Variants in PHLPP1 observed in about 807,000 individuals in gnomAD.
PHLPP1 encodes PH domain leucine-rich repeat-containing protein phosphatase 1.
Under a neutral mutation model 117.2 loss-of-function variants are expected in PHLPP1, and 42 were observed. The observed-to-expected ratio is 0.36, with a 90% CI of 0.28 to 0.46. The LOEUF is 0.46. PHLPP1 is among the 20% of genes least tolerant of loss of function. The pLI is 1.00. For synonymous variants in PHLPP1, 1,042 were observed against 970.7 expected (o/e 1.07, Z -1.37); for missense variants, 2,084 against 2,241.9 (o/e 0.93, Z 1.42).
chr18:62,827,314 A>G (rs1914637078), intron 1 of PHLPP1, among the ~76,000 whole-genome samples: 1 of 152,184 alleles, frequency 6.6e-6, no homozygotes, highest in African/African-American at 2.4e-5. Flanking sequence ...GTTACAACTG[A>G]CCCAGCTTTA....
chr18:62,971,533 C>T (rs970807843), intron 14 of PHLPP1, among the ~76,000 whole-genome samples: 1 of 152,092 alleles, frequency 6.6e-6, no homozygotes, highest in Non-Finnish European at 1.5e-5. Context: ...TGACTGTGGA[C>T]TCTGGCCACC....
intron 1 of PHLPP1, among the ~76,000 whole-genome samples, chr18:62,807,222 T>G (rs564199953): frequency 1.4e-4 from 22 of 152,278 alleles, no homozygotes; most frequent in African/African-American, 5.1e-4. Context: ...ACATAGTTAT[T>G]GAGAGAGTGA....
At chr18:62,943,365 A>G (rs79610461) in intron 11 of PHLPP1, among the ~76,000 whole-genome samples, 2 of 152,138 alleles carry the variant, frequency 1.3e-5, no homozygotes, top group African/African-American at 4.8e-5. Flanking sequence ...GAATTAAAGA[A>G]CGGGACCACC....
intron 1 of PHLPP1, among the ~76,000 whole-genome samples, chr18:62,813,346 A>G (rs1914177798): frequency 6.6e-6 from 1 of 152,190 alleles, no homozygotes; most frequent in African/African-American, 2.4e-5. Flanking sequence ...AATAATTGTG[A>G]TCTGTCCATG....
intron 10 of PHLPP1, among the ~76,000 whole-genome samples, chr18:62,926,539 G>C (rs1191307806): frequency 6.6e-6 from 1 of 152,160 alleles, no homozygotes; most frequent in Non-Finnish European, 1.5e-5. Context: ...CACCCTGCCA[G>C]TGAGGGGTGT....
chr18:62,914,873 G>A, intron 8 of PHLPP1, 40 bp from the exon 9 acceptor site: 1 of 1,423,608 alleles, frequency 7.0e-7, no homozygotes, highest in Non-Finnish European at 9.9e-7. Flanking sequence ...CCACATTTGA[G>A]GACAAATTCA....
Position 62,839,412 on chromosome 18 carries a change from A to G in PHLPP1, c.1899+503A>G, listed in dbSNP as rs553508646. The G allele has an allele frequency of 8.9e-4, 138 of 154,802 alleles. 1 individual carries two copies. Among genetic ancestry groups the G allele is most frequent in the Non-Finnish European group, 1.2e-3 (82 of 69,768 alleles). 9.6% of individuals were successfully genotyped at this position (154,802 alleles called of 1,614,324 possible). A position where few individuals can be genotyped will look rare whatever the true frequency, so the allele number is the denominator to read the frequency against. On this transcript the variant is annotated intron_variant, in intron 3 of 16. Coordinates refer to ENST00000262719, the MANE Select transcript of PHLPP1 (RefSeq NM_194449.4). Reference sequence around the variant, plus strand: ...TGATTTAATAAGATCACCATGTCCCATGAAATAATATATAGTACTTTTGGC... The same window carrying G: ...TGATTTAATAAGATCACCATGTCCCGTGAAATAATATATAGTACTTTTGGC...
At chr18:62,813,330 CT>C (rs1374123628) in intron 1 of PHLPP1, among the ~76,000 whole-genome samples, 1 of 152,134 alleles carries the variant, frequency 6.6e-6, no homozygotes, top group Non-Finnish European at 1.5e-5. Context: ...TTCGGGACTA[CT>C]GAAGAATAAT....
chr18:62,977,423 C>T (rs1911220993), intron 16 of PHLPP1, among the ~76,000 whole-genome samples: 1 of 70,696 alleles, frequency 1.4e-5, no homozygotes, highest in Admixed American at 2.3e-4. Flanking sequence ...AGCAGGTACA[C>T]GTGGCAAAAA....
At chr18:62,765,092 A>G (rs962739474) in intron 1 of PHLPP1, among the ~76,000 whole-genome samples, 6 of 152,186 alleles carry the variant, frequency 3.9e-5, no homozygotes, top group Admixed American at 6.5e-5. Flanking sequence ...ATACTATTAT[A>G]TCCTCCAAGT....
chr18:62,895,935 A>C lies in PHLPP1; in HGVS notation c.2368A>C (p.Met790Leu). The C allele has an allele frequency of 6.2e-7, 1 of 1,613,858 alleles. No homozygotes were observed. Among genetic ancestry groups the C allele is most frequent in the Non-Finnish European group, 8.5e-7 (1 of 1,179,760 alleles). ...EKLTAVDKLC[M>L]SGNCVETLRL... ...ATTGACTGCTGTGGATAAACTTTGT[A>C]TGTCTGGAAACTGTGTGGAGACCCT... Residue 790 changes from methionine to leucine, a missense_variant, in exon 6 of 17, where the codon ATG becomes CTG. This residue lies in a region of PHLPP1 where 1,365 missense variants were observed against 1,605.9 expected (regional missense o/e 0.85). Coordinates refer to ENST00000262719, the MANE Select transcript of PHLPP1 (RefSeq NM_194449.4).
At chr18:62,833,487 T>C (rs1242385603) in intron 2 of PHLPP1, among the ~76,000 whole-genome samples, 1 of 152,214 alleles carries the variant, frequency 6.6e-6, no homozygotes, top group Non-Finnish European at 1.5e-5. Context: ...CAGAGTTTCT[T>C]CTACCTGTGT....
At chr18:62,973,030 T>C (rs1003335902) in intron 15 of PHLPP1, among the ~76,000 whole-genome samples, 1 of 152,212 alleles carries the variant, frequency 6.6e-6, no homozygotes, top group African/African-American at 2.4e-5. Context: ...TCCCAAATCA[T>C]GTGAGCTGTA....
At chr18:62,766,681 C>T (rs1426788277) in intron 1 of PHLPP1, among the ~76,000 whole-genome samples, 1 of 152,094 alleles carries the variant, frequency 6.6e-6, no homozygotes, top group Non-Finnish European at 1.5e-5. Context: ...CTGTGTATAT[C>T]ACTCTATATA....
At chr18:62,761,678 A>T (rs1055302956) in intron 1 of PHLPP1, among the ~76,000 whole-genome samples, 2 of 151,766 alleles carry the variant, frequency 1.3e-5, no homozygotes, top group East Asian at 1.9e-4. Flanking sequence ...AAAAAAAAAA[A>T]GAAATGATGG....
chr18:62,933,878 TTAAA>T (rs1568166188), intron 10 of PHLPP1, among the ~76,000 whole-genome samples: 3 of 151,356 alleles, frequency 2.0e-5, no homozygotes, highest in African/African-American at 7.3e-5. Context: ...TATAAGAAAC[TTAAA>T]TAAGAAAGAA....
intron 4 of PHLPP1, among the ~76,000 whole-genome samples, chr18:62,890,016 T>C (rs1245543104): frequency 6.6e-6 from 1 of 151,982 alleles, no homozygotes; most frequent in Non-Finnish European, 1.5e-5. Flanking sequence ...TGGGAAAGGG[T>C]GCCCCCGACT....
intron 1 of PHLPP1, among the ~76,000 whole-genome samples, chr18:62,812,291 G>A (rs1421171136): frequency 1.3e-5 from 2 of 152,162 alleles, no homozygotes; most frequent in Non-Finnish European, 2.9e-5. Context: ...AGGAGTGTGT[G>A]TATGCTCAGA....
chr18:62,836,440 TAAATAAATAAA>T (rs1157363911), intron 2 of PHLPP1, among the ~76,000 whole-genome samples: 4 of 4,174 alleles, frequency 9.6e-4, no homozygotes, highest in Admixed American at 1.7e-3. Flanking sequence ...TAAAAATAAA[TAAATAAATAAA>T]TAAATAAATA....
Sources: gnomAD v4.1 joint callset for allele counts (sites outside exome capture counted in the v4.1 genomes callset) on GRCh38, gnomAD v4.1.1 for gene constraint, gnomAD v4.1.1 regional missense constraint, MANE v1.5 for transcripts, NCBI Gene and HGNC (gene_info 2026-07-23, HGNC 2026-07-21) for gene names.